The following GPR143 variants were observed in gnomAD, a reference collection of about 807,000 sequenced individuals.
The protein encoded by GPR143 is G-protein coupled receptor 143.
Under a neutral mutation model 27.6 loss-of-function variants are expected in GPR143, and 8 were observed. That is an observed-to-expected ratio of 0.29 (90% CI 0.17 to 0.52). GPR143 has a LOEUF of 0.52. GPR143 is among the 20% of genes least tolerant of loss of function. The probability of loss-of-function intolerance (pLI) is 0.96; values close to 1 mark genes in which losing one functional copy is unlikely to be tolerated. For synonymous variants in GPR143, 156 were observed against 153.2 expected (o/e 1.02, Z -0.13); for missense variants, 303 against 343.1 (o/e 0.88, Z 0.92).
intron 8 of GPR143, among the ~76,000 whole-genome samples, chrX:9,726,977 T>TGTCA (rs2083330586): frequency 8.9e-6 from 1 of 112,573 alleles, no homozygotes. Context: ...TAATCCTGGA[T>TGTCA]GTCAGTCATC....
chrX:9,731,898 G>A (rs1295616255), intron 8 of GPR143, among the ~76,000 whole-genome samples: 1 of 110,431 alleles, frequency 9.1e-6, no homozygotes, highest in African/African-American at 3.3e-5. Context: ...TTATGGGAAA[G>A]TGATGAAATT....
Position 9,760,752 on chromosome X carries a change from C to T in GPR143, c.325G>A (p.Glu109Lys), listed in dbSNP as rs780617900. 18 of 1,196,723 alleles carry T rather than the reference C, an allele frequency of 1.5e-5. No homozygotes were observed. The highest frequency in any genetic ancestry group is 8.9e-5 in the Admixed American group (4 of 45,009). ...VDSVSDMNHT[E>K]IWPAAFCVGS... ...ACGCAGAAAGCAGCAGGCCAAATTT[C>T]CGTGTGGTTCATATCCGAGACGCTG... Residue 109 changes from glutamate (E) to lysine (K), a missense_variant, in exon 2 of 9, where the codon GAA (glutamate) becomes AAA (lysine). Coordinates refer to ENST00000467482, the MANE Select transcript of GPR143 (RefSeq NM_000273.3).
chrX:9,774,477 G>A (rs1488788872), intron 1 of GPR143, among the ~76,000 whole-genome samples: 1 of 112,602 alleles, frequency 8.9e-6, no homozygotes, highest in Non-Finnish European at 1.9e-5. Context: ...AGCCAGTCCA[G>A]CCTGCCCCTG....
chrX:9,747,721 A>G (rs1314473815), intron 4 of GPR143: 2 of 112,274 alleles, frequency 1.8e-5, no homozygotes, highest in Non-Finnish European at 3.8e-5. Flanking sequence ...AACAGATAGT[A>G]AATATTTTCA....
chrX:9,741,864 G>T (rs903979159), intron 6 of GPR143, among the ~76,000 whole-genome samples: 2 of 112,075 alleles, frequency 1.8e-5, no homozygotes, highest in Non-Finnish European at 3.8e-5. Context: ...CTGCACTCCA[G>T]CCTGGGGGAC....
chrX:9,767,951 T>G (rs1238523165), upstream of GPR143, among the ~76,000 whole-genome samples: 1 of 111,465 alleles, frequency 9.0e-6, no homozygotes, highest in Non-Finnish European at 1.9e-5. Context: ...AAGGGGTCCC[T>G]GCATTTGAGT....
At chrX:9,762,528 A>G (rs533177843) in intron 1 of GPR143, among the ~76,000 whole-genome samples, 6 of 112,002 alleles carry the variant, frequency 5.4e-5, no homozygotes, top group African/African-American at 1.9e-4. Flanking sequence ...CTAAAATCAC[A>G]CCATATAATA....
intron 2 of GPR143, 46 bp from the exon 3 acceptor site, chrX:9,759,472 A>G (rs757567458): frequency 4.2e-5 from 38 of 908,530 alleles, no homozygotes; most frequent in Non-Finnish European, 5.7e-5. Context: ...AAACAGGTAC[A>G]AGAAGCCCAG....
intron 8 of GPR143, 77 bp from the exon 9 acceptor site, chrX:9,725,917 A>G: frequency 1.0e-6 from 1 of 989,012 alleles, no homozygotes; most frequent in Non-Finnish European, 1.3e-6. Context: ...AATGCTCAGT[A>G]TTCAGTGCAT....
At chrX:9,754,167 C>T (rs922421655) in intron 3 of GPR143, among the ~76,000 whole-genome samples, 2 of 111,815 alleles carry the variant, frequency 1.8e-5, no homozygotes, top group African/African-American at 6.5e-5. Context: ...CCCACCCCAT[C>T]GGGACTTCAA....
chrX:9,769,829 G>A (rs962497746), upstream of GPR143, among the ~76,000 whole-genome samples: 7 of 110,917 alleles, frequency 6.3e-5, no homozygotes, highest in Non-Finnish European at 9.4e-5. Flanking sequence ...TGATCCGCCC[G>A]CCTCAGCCTC....
intron 8 of GPR143, among the ~76,000 whole-genome samples, chrX:9,735,957 T>G (rs888476546): frequency 1.4e-4 from 16 of 111,762 alleles, no homozygotes; most frequent in Admixed American, 2.8e-4. Flanking sequence ...GATGCACACT[T>G]AACTTACCCA....
At chrX:9,765,469 C>T in intron 1 of GPR143, 99 bp downstream of exon 1, 2 of 818,032 alleles carry the variant, frequency 2.4e-6, no homozygotes, top group Non-Finnish European at 3.2e-6. Flanking sequence ...ACAGGCCGTG[C>T]GCCCTTATCC....
intron 8 of GPR143, among the ~76,000 whole-genome samples, chrX:9,731,887 G>T (rs954152554): frequency 4.6e-5 from 5 of 109,818 alleles, no homozygotes; most frequent in African/African-American, 1.7e-4. Context: ...AGACTAGAGA[G>T]TTATGGGAAA....
intron 5 of GPR143, 57 bp from the exon 6 acceptor site, chrX:9,743,730 C>T: frequency 1.4e-6 from 1 of 739,584 alleles, no homozygotes; most frequent in Non-Finnish European, 2.1e-6. Context: ...TACGGAGTGA[C>T]AGAGAAGGCA....
intron 1 of GPR143, 103 bp from the exon 2 acceptor site, chrX:9,760,929 A>G (rs1159548121): frequency 2.1e-6 from 1 of 475,826 alleles, no homozygotes; most frequent in Non-Finnish European, 3.8e-6. Flanking sequence ...AGAGATAGGA[A>G]GAGAGGAAGG....
chrX:9,739,749 G>A lies in GPR143; in HGVS notation c.886-30C>T, dbSNP rs769479021. 3.4e-5 allele frequency: 32 copies of A among 953,318 alleles called. No homozygotes were observed. In the East Asian group the frequency reaches 5.0e-4, roughly 15 times the overall value. The allele number at this position is 953,318 out of a possible 1,213,427, so 78.6% of individuals were successfully genotyped here. On this transcript the variant is annotated intron_variant, in intron 7 of 8. Coordinates refer to ENST00000467482, the MANE Select transcript of GPR143 (RefSeq NM_000273.3). ...AGAGAGGACAGAAAGACACATGGCAGTCAGTGCAGCGTAGCAGAAGTCAGA... is the reference window on the plus strand; with the variant it reads ...AGAGAGGACAGAAAGACACATGGCAATCAGTGCAGCGTAGCAGAAGTCAGA...
intron 1 of GPR143, among the ~76,000 whole-genome samples, chrX:9,772,597 T>C (rs904565437): frequency 9.1e-6 from 1 of 109,725 alleles, no homozygotes; most frequent in Non-Finnish European, 1.9e-5. Context: ...TTGCTTGAGC[T>C]CAGGAGTCCA....
intron 8 of GPR143, among the ~76,000 whole-genome samples, chrX:9,736,755 C>T (rs1490951806): frequency 8.9e-6 from 1 of 112,331 alleles, no homozygotes; most frequent in East Asian, 2.8e-4. Flanking sequence ...AAAAAAATAC[C>T]GATTGTATTT....
Sources: gnomAD v4.1 joint callset for allele counts (sites outside exome capture counted in the v4.1 genomes callset) on GRCh38, gnomAD v4.1.1 for gene constraint, MANE v1.5 for transcripts, NCBI Gene and HGNC (gene_info 2026-07-23, HGNC 2026-07-21) for gene names.